Variants in EFHD1 observed in about 807,000 individuals in gnomAD.
EFHD1 encodes the protein EF-hand domain-containing protein D1.
A neutral mutation model predicts 17.2 loss-of-function variants in EFHD1; 10 were observed. The ratio of observed to expected loss-of-function variants is 0.58; its 90% CI spans 0.36 to 0.99. EFHD1 has a LOEUF of 0.99. Among genes scored for constraint, EFHD1 ranks in the 50% least tolerant of loss-of-function variants. The pLI is 0.01. For missense variants in EFHD1, 310 were observed against 327.5 expected, an observed-to-expected ratio of 0.95 and a Z score of 0.41; for synonymous variants, 153 against 142.0, an observed-to-expected ratio of 1.08 and a Z score of -0.55.
At chr2:232,614,676 T>C (rs765304251) in intron 1 of EFHD1, among the ~76,000 whole-genome samples, 5 of 152,194 alleles carry the variant, frequency 3.3e-5, no homozygotes, top group Non-Finnish European at 7.3e-5. Context: ...TTTTTATTTT[T>C]AGTTTTAAAA....
At position 232,626,643 on chromosome 2, in the gene EFHD1, C is replaced by G. The variant is rs1293011704; in HGVS notation, c.14+20470C>G. Among the ~76,000 whole-genome samples the G allele has an allele frequency of 2.0e-5, 3 of 152,020 alleles. No individual in the cohort carries two copies. The East Asian group carries it at 5.8e-4, about 29-fold the overall frequency. ...AATGGATGGAAAGTGAACATAAAGC[C>G]CTTCTGCTGCAGATGAAAGTCTGTT... On this transcript the variant is annotated intron_variant, in intron 1 of 3. Coordinates refer to the EFHD1 transcript ENST00000409613.
intron 2 of EFHD1, among the ~76,000 whole-genome samples, chr2:232,670,369 A>G (rs1459167089): frequency 6.6e-6 from 1 of 152,060 alleles, no homozygotes; most frequent in African/African-American, 2.4e-5. Context: ...TGAACCCGGG[A>G]GGCAGAGGTT....
rs112552244 is a variant in EFHD1 at position 232,606,327 on chromosome 2, C to T, written c.14+154C>T. Among the ~76,000 whole-genome samples the T allele has an allele frequency of 3.1e-3, 471 of 152,334 alleles. 1 individual carries two copies. The highest frequency in any genetic ancestry group is 0.011 in the African/African-American group (457 of 41,588). On this transcript the variant is annotated intron_variant, in intron 1 of 3. Transcript: ENST00000409613. ...GGCCCTCGCTTCCCTGCCCCGCGCA[C>T]GGTCTGCGATCGGCTGGGCTTTTAA...
At chr2:232,651,951 A>G (rs1694662490) in intron 1 of EFHD1, among the ~76,000 whole-genome samples, 1 of 151,208 alleles carries the variant, frequency 6.6e-6, no homozygotes, top group African/African-American at 2.4e-5. Flanking sequence ...ACTCCTGGCC[A>G]TATCACCCAG....
intron 1 of EFHD1, among the ~76,000 whole-genome samples, chr2:232,650,486 G>T (rs547713555): frequency 1.8e-3 from 260 of 146,160 alleles, no homozygotes; most frequent in African/African-American, 6.1e-3. Context: ...TAGAGACAGG[G>T]TTTCACCATG....
intron 3 of EFHD1, 46 bp downstream of exon 3, chr2:232,672,489 C>G (rs1337498268): frequency 3.2e-6 from 5 of 1,544,440 alleles, no homozygotes; most frequent in Non-Finnish European, 4.4e-6. Context: ...TCCCAGCCTT[C>G]ACGCTGCCCA....
At chr2:232,631,708 A>AAAAAAC (rs1694206172), upstream of EFHD1, among the ~76,000 whole-genome samples, 1 of 136,314 alleles carries the variant, frequency 7.3e-6, no homozygotes, top group African/African-American at 3.2e-5. Flanking sequence ...AAAAAAAAAC[A>AAAAAAC]AAAACAAAAC....
At chr2:232,667,333 G>A (rs939338237) in intron 2 of EFHD1, among the ~76,000 whole-genome samples, 1 of 152,022 alleles carries the variant, frequency 6.6e-6, no homozygotes, top group African/African-American at 2.4e-5. Context: ...GAAGTGCTCC[G>A]GATTGGCTCT....
intron 1 of EFHD1, among the ~76,000 whole-genome samples, chr2:232,658,614 A>C (rs1030943986): frequency 1.3e-5 from 2 of 152,370 alleles, no homozygotes; most frequent in African/African-American, 4.8e-5. Flanking sequence ...AAACAACAAA[A>C]TGTCCATCAC....
rs777259150 is a variant in EFHD1, at chr2:232,633,866, G to T, written c.162G>T (p.Glu54Asp). Residue 54 changes from glutamate to aspartate, a missense_variant, in exon 1 of 4, where the codon GAG (glutamate) becomes GAT (aspartate). Glu to Asp is a conservative substitution (Grantham distance 45). Transcript: ENST00000264059. The stretch of plus-strand genomic sequence containing the variant: ...CGCCCACGGCCAGCGCCGACGCGGA[G>T]CTGAGCGCCCAGCTGAGCCGGCGGC... The part of the protein sequence containing the change: ...ARAPTASADA[E>D]LSAQLSRRLD... 3 of 1,523,278 alleles carry T rather than the reference G, an allele frequency of 2.0e-6. No individual in the cohort carries two copies. The highest frequency in any genetic ancestry group is 2.6e-6 in the Non-Finnish European group (3 of 1,144,462). The allele number at this position is 1,523,278 out of a possible 1,614,324, so 94.4% of individuals were successfully genotyped here.
intron 1 of EFHD1, among the ~76,000 whole-genome samples, chr2:232,615,312 A>AGTGTGTGT (rs35239145): frequency 0.063 from 8,600 of 136,350 alleles, 293 homozygotes; most frequent in South Asian, 0.11. Context: ...TGTCAACTAT[A>AGTGTGTGT]GTGTGTGTGT....
chr2:232,620,370 A>C (rs1693998851), intron 1 of EFHD1, among the ~76,000 whole-genome samples: 1 of 151,028 alleles, frequency 6.6e-6, no homozygotes, highest in Admixed American at 6.6e-5. Context: ...CCTGGGCGAC[A>C]AAACGAGACT....
intron 1 of EFHD1, among the ~76,000 whole-genome samples, chr2:232,646,607 G>A (rs1241226077): frequency 6.6e-6 from 1 of 151,918 alleles, no homozygotes; most frequent in African/African-American, 2.4e-5. Context: ...ACCATGCCCA[G>A]CTAATTTTTG....
intron 2 of EFHD1, among the ~76,000 whole-genome samples, chr2:232,665,608 G>T (rs1694954538): frequency 6.6e-6 from 1 of 152,164 alleles, no homozygotes; most frequent in Admixed American, 6.6e-5. Context: ...TTTTAGTAAA[G>T]ATAGGGTTTC....
intron 1 of EFHD1, among the ~76,000 whole-genome samples, chr2:232,625,208 G>T (rs116051435): frequency 3.9e-5 from 6 of 151,990 alleles, no homozygotes; most frequent in African/African-American, 1.4e-4. Context: ...AGCTCACTGC[G>T]GCTTTGATCT....
At chr2:232,653,815 G>A (rs918041803) in intron 1 of EFHD1, among the ~76,000 whole-genome samples, 1 of 152,120 alleles carries the variant, frequency 6.6e-6, no homozygotes, top group Non-Finnish European at 1.5e-5. Flanking sequence ...AACACCAATG[G>A]CCCTTTTCCT....
chr2:232,664,138 C>T (rs1031697572), intron 2 of EFHD1, among the ~76,000 whole-genome samples: 4 of 151,040 alleles, frequency 2.6e-5, no homozygotes, highest in African/African-American at 7.3e-5. Flanking sequence ...ATTGTTTATT[C>T]ATTTATTTAT....
At chr2:232,670,602 A>G (rs1000805361) in intron 2 of EFHD1, among the ~76,000 whole-genome samples, 3 of 152,184 alleles carry the variant, frequency 2.0e-5, no homozygotes, top group African/African-American at 7.2e-5. Flanking sequence ...AAATAAGGTT[A>G]ATGATTAACC....
intron 1 of EFHD1, among the ~76,000 whole-genome samples, chr2:232,657,399 C>T (rs540645435): frequency 6.6e-6 from 1 of 152,324 alleles, no homozygotes; most frequent in African/African-American, 2.4e-5. Context: ...GAGCATGGGT[C>T]AGAGTTCACT....
Sources: allele counts gnomAD v4.1 joint callset (sites outside exome capture counted in the v4.1 genomes callset), GRCh38; gene constraint gnomAD v4.1.1; transcripts MANE v1.5; gene names NCBI Gene and HGNC (gene_info 2026-07-23, HGNC 2026-07-21).